Variants in TSPAN9 observed in about 807,000 individuals in gnomAD.
TSPAN9 encodes the protein tetraspanin-9.
TSPAN9 carries 16 observed loss-of-function variants against 31.0 expected under a neutral mutation model. That is an observed-to-expected ratio of 0.52 (90% CI 0.35 to 0.78). The LOEUF (loss-of-function observed/expected upper bound fraction) is 0.78, where lower values mean the gene tolerates loss of function less well. TSPAN9 is among the 30% of genes least tolerant of loss of function. The pLI, the probability that TSPAN9 is intolerant of heterozygous loss-of-function variation, is 0.01. For synonymous variants in TSPAN9, 145 were observed against 121.6 expected (o/e 1.19, Z -1.27); for missense variants, 272 against 312.5 (o/e 0.87, Z 0.98).
chr12:3,278,935 C>T, intron 4 of TSPAN9, 57 bp from the exon 5 acceptor site: 1 of 1,579,808 alleles, frequency 6.3e-7, no homozygotes, highest in Non-Finnish European at 8.7e-7. Flanking sequence ...TCCACACCCT[C>T]CTTGTCCTCA....
chr12:3,193,797 T>C (rs577820177), intron 2 of TSPAN9, among the ~76,000 whole-genome samples: 1 of 152,166 alleles, frequency 6.6e-6, no homozygotes, highest in South Asian at 2.1e-4. Context: ...TTCTCTTTTT[T>C]CTACCTCAGA....
chr12:3,279,132 C>A, intron 5 of TSPAN9, 66 bp downstream of exon 5: 1 of 1,458,072 alleles, frequency 6.9e-7, no homozygotes, highest in Non-Finnish European at 9.6e-7. Flanking sequence ...GCCAAGCAGG[C>A]CAGGGTCCCT....
chr12:3,081,239 T>A (rs1324257066), intron 1 of TSPAN9, among the ~76,000 whole-genome samples: 1 of 152,130 alleles, frequency 6.6e-6, no homozygotes, highest in Non-Finnish European at 1.5e-5. Flanking sequence ...AGGACAAGAC[T>A]TCTTTTCTCT....
At chr12:3,245,417 C>T (rs564608957) in intron 3 of TSPAN9, among the ~76,000 whole-genome samples, 2 of 152,292 alleles carry the variant, frequency 1.3e-5, no homozygotes, top group African/African-American at 4.8e-5. Context: ...TTTCAGTGTT[C>T]TTTTTCTCAG....
At chr12:3,236,897 A>G (rs2098394046) in intron 3 of TSPAN9, among the ~76,000 whole-genome samples, 1 of 152,190 alleles carries the variant, frequency 6.6e-6, no homozygotes, top group South Asian at 2.1e-4. Flanking sequence ...CTAGTACTGT[A>G]GGGCACATTT....
intron 2 of TSPAN9, among the ~76,000 whole-genome samples, chr12:3,188,274 T>G (rs1346193055): frequency 1.3e-5 from 2 of 152,218 alleles, no homozygotes. Flanking sequence ...TGTCCTGCAC[T>G]CAGGGAGCTG....
intron 5 of TSPAN9, 40 bp downstream of exon 5, chr12:3,279,106 C>A: frequency 6.3e-7 from 1 of 1,592,590 alleles, no homozygotes; most frequent in Non-Finnish European, 8.6e-7. Context: ...TGGAATGTCA[C>A]TGCCCTTAGA....
chr12:3,201,338 T>A, intron 3 of TSPAN9, 82 bp downstream of exon 3: 2 of 1,355,550 alleles, frequency 1.5e-6, no homozygotes, highest in Non-Finnish European at 2.1e-6. Context: ...CTCCCTCTTC[T>A]GTGCTGCATT....
intron 2 of TSPAN9, among the ~76,000 whole-genome samples, chr12:3,102,975 C>T (rs10848799): frequency 0.39 from 59,279 of 152,000 alleles, 12,473 homozygotes; most frequent in South Asian, 0.52. Context: ...GCCATGTGCT[C>T]CAGGCCACTT....
intron 2 of TSPAN9, among the ~76,000 whole-genome samples, chr12:3,134,848 A>C (rs2153967252): frequency 6.6e-6 from 1 of 152,262 alleles, no homozygotes; most frequent in East Asian, 1.9e-4. Flanking sequence ...GATGAGGGTG[A>C]TGGCGTGCAG....
At chr12:3,122,211 G>A (rs1475824773) in intron 2 of TSPAN9, among the ~76,000 whole-genome samples, 3 of 151,912 alleles carry the variant, frequency 2.0e-5, no homozygotes, top group East Asian at 2.0e-4. Context: ...GTGGGTGCCT[G>A]TAGTCCTAGC....
chr12:3,116,500 C>T (rs556026080), intron 2 of TSPAN9, among the ~76,000 whole-genome samples: 2 of 152,190 alleles, frequency 1.3e-5, no homozygotes, highest in South Asian at 4.2e-4. Context: ...TACTCAAAAC[C>T]GAGAAAGAGC....
intron 2 of TSPAN9, among the ~76,000 whole-genome samples, chr12:3,130,723 C>T (rs2098329440): frequency 6.6e-6 from 1 of 152,218 alleles, no homozygotes; most frequent in Non-Finnish European, 1.5e-5. Flanking sequence ...AGATAACCTA[C>T]ACAAAACGCT....
intron 3 of TSPAN9, among the ~76,000 whole-genome samples, chr12:3,240,922 A>C (rs2098396265): frequency 6.6e-6 from 1 of 152,234 alleles, no homozygotes; most frequent in Non-Finnish European, 1.5e-5. Context: ...AAAGAAATCC[A>C]AATTATGCCA....
chr12:3,135,777 A>G (rs983641870), intron 2 of TSPAN9, among the ~76,000 whole-genome samples: 3 of 152,128 alleles, frequency 2.0e-5, no homozygotes, highest in African/African-American at 7.2e-5. Flanking sequence ...TGATTCCAGG[A>G]TGGGTCTGAG....
At chr12:3,228,249 C>G (rs2098388904) in intron 3 of TSPAN9, among the ~76,000 whole-genome samples, 1 of 152,200 alleles carries the variant, frequency 6.6e-6, no homozygotes, top group South Asian at 2.1e-4. Context: ...CCTGTAATCT[C>G]AGCTACTTGG....
chr12:3,156,657 G>A (rs1259139428), intron 2 of TSPAN9, among the ~76,000 whole-genome samples: 6 of 152,134 alleles, frequency 3.9e-5, no homozygotes, highest in South Asian at 4.2e-4. Context: ...ACAGGCATGC[G>A]CCACCACAAC....
intron 2 of TSPAN9, among the ~76,000 whole-genome samples, chr12:3,113,170 A>G (rs1010509048): frequency 2.6e-5 from 4 of 152,200 alleles, no homozygotes; most frequent in African/African-American, 9.6e-5. Flanking sequence ...GAGCCCATCA[A>G]GGGAATACAT....
intron 2 of TSPAN9, among the ~76,000 whole-genome samples, chr12:3,090,031 A>G (rs958431722): frequency 1.3e-5 from 2 of 152,230 alleles, no homozygotes; most frequent in Admixed American, 1.3e-4. Context: ...AATCCTACCC[A>G]TCAGAGATAA....
Sources: allele counts gnomAD v4.1 joint callset (sites outside exome capture counted in the v4.1 genomes callset), GRCh38; gene constraint gnomAD v4.1.1; transcripts MANE v1.5; gene names NCBI Gene and HGNC (gene_info 2026-07-23, HGNC 2026-07-21).